FRMD4A: variants seen among roughly 807,000 people sequenced by gnomAD.
FRMD4A encodes FERM domain-containing protein 4A.
A neutral mutation model predicts 129.1 loss-of-function variants in FRMD4A; 29 were observed. The ratio of observed to expected loss-of-function variants is 0.22; its 90% CI spans 0.17 to 0.31. The LOEUF is 0.31. Ranked by LOEUF, FRMD4A falls within the 10% of genes least tolerant of loss-of-function variation. The probability of loss-of-function intolerance (pLI) is 1.00; values close to 1 mark genes in which losing one functional copy is unlikely to be tolerated. For synonymous variants in FRMD4A, 634 were observed against 571.6 expected (o/e 1.11, Z -1.56); for missense variants, 1,272 against 1,375.8 (o/e 0.92, Z 1.19).
chr10:13,761,431 G>C (rs955938729), intron 8 of FRMD4A, among the ~76,000 whole-genome samples: 1 of 152,162 alleles, frequency 6.6e-6, no homozygotes, highest in African/African-American at 2.4e-5. Context: ...AGTAATCTCC[G>C]GGCTTTGCAT....
chr10:14,160,320 C>A (rs1840819019), intron 2 of FRMD4A, among the ~76,000 whole-genome samples: 1 of 152,012 alleles, frequency 6.6e-6, no homozygotes, highest in African/African-American at 2.4e-5. Flanking sequence ...AAATGTAAGA[C>A]CTGAAATTAT....
chr10:13,997,146 C>G (rs1348934461), intron 2 of FRMD4A, among the ~76,000 whole-genome samples: 3 of 152,082 alleles, frequency 2.0e-5, no homozygotes, highest in African/African-American at 2.4e-5. Flanking sequence ...TTCTCTCTTG[C>G]CTTTTTTTTT....
At chr10:13,856,967 A>G (rs147893518) in intron 3 of FRMD4A, among the ~76,000 whole-genome samples, 249 of 152,294 alleles carry the variant, frequency 1.6e-3, no homozygotes, top group Middle Eastern at 3.4e-3. Context: ...GAGTCTTGGC[A>G]ATTTGAAGCT....
Position 13,761,641 on chromosome 10 carries a change from A to G in FRMD4A, c.464+6T>C. On this transcript the variant is annotated splice_donor_region_variant and intron_variant, in intron 8 of 24. Transcript: ENST00000357447. Reference sequence around the variant, plus strand: ...AAACAACACAACAACAAAATTGTAAACTTACCTAGAAAAATCTCCCTTTGC... The same window carrying G: ...AAACAACACAACAACAAAATTGTAAGCTTACCTAGAAAAATCTCCCTTTGC... The G allele has an allele frequency of 6.2e-7, 1 of 1,601,768 alleles. No homozygotes were observed. The highest frequency in any genetic ancestry group is 1.1e-5 in the South Asian group (1 of 89,522).
Position 13,901,101 on chromosome 10 carries a change from C to A in FRMD4A, c.46-42189G>T, listed in dbSNP as rs147403848. On this transcript the variant is annotated intron_variant, in intron 2 of 24. Transcript: ENST00000357447. ...GATAAGCCATCTCAGATCCTACAGA[C>A]GAGAAGTCGGCCACTGCCAGTTACC... 2.6e-4 allele frequency among the ~76,000 whole-genome samples: 40 copies of A among 152,252 alleles called. No individual in the cohort carries two copies. The East Asian group carries it at 7.5e-3, about 29-fold the overall frequency.
chr10:14,186,292 A>G (rs1231519924), intron 2 of FRMD4A, among the ~76,000 whole-genome samples: 1 of 152,140 alleles, frequency 6.6e-6, no homozygotes, highest in African/African-American at 2.4e-5. Context: ...AACTACCACC[A>G]CACGTTTCGT....
rs775867571 is a variant in FRMD4A, at chr10:13,666,224, C to T, written c.1476G>A (p.Leu492=). 1 of 1,613,860 alleles carries T rather than the reference C, an allele frequency of 6.2e-7. No homozygotes were observed. Among genetic ancestry groups the T allele is most frequent in the Non-Finnish European group, 8.5e-7 (1 of 1,179,850 alleles). The change falls in exon 18 of 25, where the codon CTG becomes CTA. Residue 492 remains leucine (L), a synonymous_variant. Coordinates refer to ENST00000357447, the MANE Select transcript of FRMD4A (RefSeq NM_018027.5). The stretch of plus-strand genomic sequence containing the variant: ...GATACGAGGTTTTCCTTTGTTTCTT[C>T]AGTTTTTTGCTGACGTTGGGGTCAC... ...LASDPNVSKK[L]KKQRKTSYLN...
intron 2 of FRMD4A, among the ~76,000 whole-genome samples, chr10:14,322,514 G>A (rs145261652): frequency 1.2e-4 from 18 of 152,324 alleles, no homozygotes; most frequent in East Asian, 5.8e-4. Flanking sequence ...AGCCATTAGC[G>A]TACAGATGAC....
At chr10:14,155,641 G>A (rs1288783773) in intron 2 of FRMD4A, among the ~76,000 whole-genome samples, 3 of 152,116 alleles carry the variant, frequency 2.0e-5, no homozygotes, top group African/African-American at 7.2e-5. Flanking sequence ...ATGGATTAAT[G>A]CCGCATACAA....
rs560625333 is a variant in FRMD4A at position 13,952,436 on chromosome 10, G to C, written c.46-93524C>G. On this transcript the variant is annotated intron_variant, in intron 2 of 24. Transcript: ENST00000357447. ...GGATCACTTGAGCCCAGGAGTTGGAGGCTGCAGTGAGCTAAGATGGCACCA... is the reference window on the plus strand; with the variant it reads ...GGATCACTTGAGCCCAGGAGTTGGACGCTGCAGTGAGCTAAGATGGCACCA... 4.6e-5 allele frequency among the ~76,000 whole-genome samples: 7 copies of C among 152,200 alleles called. 1 individual carries two copies. Among genetic ancestry groups the C allele is most frequent in the African/African-American group, 1.7e-4 (7 of 41,534 alleles).
At chr10:13,658,153 AAAAAG>A (rs1280147469) in intron 21 of FRMD4A, among the ~76,000 whole-genome samples, 1 of 150,276 alleles carries the variant, frequency 6.7e-6, no homozygotes, top group African/African-American at 2.5e-5. Flanking sequence ...AAAAAAAAAA[AAAAAG>A]AAAACACAAA....
chr10:13,989,118 T>C (rs1413363371), intron 2 of FRMD4A, among the ~76,000 whole-genome samples: 3 of 152,134 alleles, frequency 2.0e-5, no homozygotes, highest in African/African-American at 7.2e-5. Context: ...AGAGCTCTGG[T>C]TGACCAGGGG....
intron 15 of FRMD4A, among the ~76,000 whole-genome samples, chr10:13,688,367 G>C (rs924625511): frequency 2.0e-5 from 3 of 152,040 alleles, no homozygotes; most frequent in African/African-American, 7.2e-5. Context: ...ACACAGGAAG[G>C]GGAACATCAC....
chr10:13,697,867 A>T (rs1298988983), intron 14 of FRMD4A, among the ~76,000 whole-genome samples: 2 of 152,168 alleles, frequency 1.3e-5, no homozygotes, highest in African/African-American at 4.8e-5. Context: ...TTTCCTGCAA[A>T]GTCTCTAAGA....
At chr10:14,239,644 C>CAA (rs1243039069) in intron 2 of FRMD4A, among the ~76,000 whole-genome samples, 1 of 119,504 alleles carries the variant, frequency 8.4e-6, no homozygotes, top group Non-Finnish European at 1.9e-5. Context: ...AACAAACAAA[C>CAA]AAACAAACAA....
chr10:13,658,193 G>A (rs981299542), intron 21 of FRMD4A, among the ~76,000 whole-genome samples: 2 of 137,832 alleles, frequency 1.5e-5, no homozygotes, highest in Admixed American at 1.5e-4. Flanking sequence ...CCTATTTACA[G>A]ATCAGATAAA....
rs118142311 is a variant in FRMD4A at position 14,144,132 on chromosome 10, C to T, written c.45+185926G>A. ...TGTCTACACGCTCCTGAGGATGGGT[C>T]GGTGTCCTCCAGATTCCTCCCCACC... On this transcript the variant is annotated intron_variant, in intron 2 of 24. Coordinates refer to ENST00000357447, the MANE Select transcript of FRMD4A (RefSeq NM_018027.5). Among the ~76,000 whole-genome samples, 739 of 152,220 alleles carry T rather than the reference C, an allele frequency of 4.9e-3. 7 individuals are homozygous for T. The highest frequency in any genetic ancestry group is 0.043 in the East Asian group (222 of 5,172).
intron 2 of FRMD4A, among the ~76,000 whole-genome samples, chr10:14,147,618 C>A (rs115238877): frequency 6.6e-6 from 1 of 152,040 alleles, no homozygotes; most frequent in Non-Finnish European, 1.5e-5. Flanking sequence ...TCATAAGGAA[C>A]GTGCGACCTA....
At chr10:14,106,079 C>T (rs116486498) in intron 2 of FRMD4A, among the ~76,000 whole-genome samples, 1,608 of 152,246 alleles carry the variant, frequency 0.011, 23 homozygotes, top group African/African-American at 0.036. Context: ...AGAATATACC[C>T]ACAACAGGAA....
Sources: gnomAD v4.1 joint callset for allele counts (sites outside exome capture counted in the v4.1 genomes callset) on GRCh38, gnomAD v4.1.1 for gene constraint, MANE v1.5 for transcripts, NCBI Gene and HGNC (gene_info 2026-07-23, HGNC 2026-07-21) for gene names.